Variants in VPS26A observed in about 807,000 individuals in gnomAD.
VPS26A encodes the protein vacuolar protein sorting-associated protein 26A.
A neutral mutation model predicts 42.4 loss-of-function variants in VPS26A; 22 were observed. The observed-to-expected ratio is 0.52, with a 90% confidence interval of 0.37 to 0.74. The LOEUF is 0.74. VPS26A is among the 30% of genes least tolerant of loss of function. The probability of loss-of-function intolerance (pLI) is 0.00; values close to 1 mark genes in which losing one functional copy is unlikely to be tolerated. For missense variants in VPS26A, 276 were observed against 379.2 expected (o/e 0.73, Z 2.26); for synonymous variants, 110 against 123.5 (o/e 0.89, Z 0.73).
chr10:69,129,862 TG>T (rs1840741210), intron 1 of VPS26A, among the ~76,000 whole-genome samples: 1 of 152,236 alleles, frequency 6.6e-6, no homozygotes, highest in Non-Finnish European at 1.5e-5. Context: ...AGTACTAATC[TG>T]GTAATTCTTT....
intron 6 of VPS26A, among the ~76,000 whole-genome samples, chr10:69,163,446 G>C (rs1055885930): frequency 6.6e-6 from 1 of 152,130 alleles, no homozygotes; most frequent in African/African-American, 2.4e-5. Context: ...CATGTTATCA[G>C]TAAGTCCTCT....
intron 6 of VPS26A, among the ~76,000 whole-genome samples, chr10:69,164,258 C>T (rs1197486825): frequency 6.7e-6 from 1 of 150,320 alleles, no homozygotes; most frequent in Non-Finnish European, 1.5e-5. Flanking sequence ...CACACTGTCA[C>T]CCAGGCTGGA....
chr10:69,133,877 G>T (rs1015983289), intron 2 of VPS26A, among the ~76,000 whole-genome samples: 1 of 151,946 alleles, frequency 6.6e-6, no homozygotes, highest in African/African-American at 2.4e-5. Context: ...TGTAGAGATG[G>T]GGTTTGTCCA....
At chr10:69,150,741 G>T (rs570332212) in intron 2 of VPS26A, among the ~76,000 whole-genome samples, 16 of 152,210 alleles carry the variant, frequency 1.1e-4, no homozygotes, top group African/African-American at 3.1e-4. Flanking sequence ...ATGTTTAGGG[G>T]TAATGGAGCA....
At chr10:69,148,117 A>G (rs980489151) in intron 2 of VPS26A, among the ~76,000 whole-genome samples, 3 of 152,244 alleles carry the variant, frequency 2.0e-5, no homozygotes, top group African/African-American at 7.2e-5. Flanking sequence ...GGCAGAGAAT[A>G]AAAGAACCTC....
chr10:69,171,845 G>C lies in VPS26A; in HGVS notation c.*576G>C, dbSNP rs1246738915. On this transcript the variant is annotated 3_prime_UTR_variant, in exon 9 of 9. Transcript: ENST00000263559. Reference sequence around the variant, plus strand: ...AGTGTTTCACCGCAGGCACTTCTGAGTACCATTCCATGGCTTCCAGAATTT... The same window carrying C: ...AGTGTTTCACCGCAGGCACTTCTGACTACCATTCCATGGCTTCCAGAATTT... 1 of 152,516 alleles carries C rather than the reference G, an allele frequency of 6.6e-6. No homozygotes were observed. Among genetic ancestry groups the C allele is most frequent in the African/African-American group, 2.4e-5 (1 of 41,432 alleles). 9.4% of individuals were successfully genotyped at this position (152,516 alleles called of 1,614,324 possible). A position where few individuals can be genotyped will look rare whatever the true frequency, so the allele number is the denominator to read the frequency against.
rs902169063 is a variant in VPS26A, at chr10:69,157,993, C to T, written c.387-54C>T. The stretch of plus-strand genomic sequence containing the variant: ...GCAGTTAATGTTTGCTGATTTAAAA[C>T]ATGAAAATTTATCACAGGTGATTTA... On this transcript the variant is annotated intron_variant, in intron 4 of 8. Transcript: ENST00000263559. The T allele has an allele frequency of 4.8e-6, 7 of 1,455,088 alleles. No individual in the cohort carries two copies. The African/African-American group carries it at 7.2e-5, about 15-fold the overall frequency. The allele number at this position is 1,455,088 out of a possible 1,614,324, so 90.1% of individuals were successfully genotyped here.
At chr10:69,127,093 A>ATTTTTTTTTTTTTTTTTTT (rs71035057) in intron 1 of VPS26A, among the ~76,000 whole-genome samples, 9 of 97,554 alleles carry the variant, frequency 9.2e-5, no homozygotes, top group Admixed American at 1.2e-4. Context: ...CACCCGGCCA[A>ATTTTTTTTTTTTTTTTTTT]TTTTTTTTTT....
intron 2 of VPS26A, among the ~76,000 whole-genome samples, chr10:69,134,932 A>G (rs572671509): frequency 1.4e-5 from 2 of 145,948 alleles, no homozygotes; most frequent in Non-Finnish European, 3.0e-5. Context: ...GTATCTATTT[A>G]AAAAAAAAAA....
At chr10:69,129,293 A>G (rs1286165838) in intron 1 of VPS26A, among the ~76,000 whole-genome samples, 1 of 152,150 alleles carries the variant, frequency 6.6e-6, no homozygotes, top group Non-Finnish European at 1.5e-5. Flanking sequence ...TTAAGCTGCT[A>G]TACATTCTCA....
intron 5 of VPS26A, chr10:69,161,994 CTT>C (rs36040871): frequency 8.0e-3 from 1,063 of 132,390 alleles, no homozygotes; most frequent in Middle Eastern, 0.023. Context: ...CAAAATAGTA[CTT>C]TTTTTTTTTT....
At chr10:69,167,778 A>G (rs1031399937) in intron 7 of VPS26A, among the ~76,000 whole-genome samples, 2 of 151,786 alleles carry the variant, frequency 1.3e-5, no homozygotes, top group Non-Finnish European at 2.9e-5. Context: ...ATATGCAAAG[A>G]ATTACCCTTA....
At chr10:69,146,249 C>T (rs1036896819) in intron 2 of VPS26A, among the ~76,000 whole-genome samples, 5 of 152,010 alleles carry the variant, frequency 3.3e-5, no homozygotes, top group African/African-American at 4.8e-5. Flanking sequence ...TGCCTGCCAC[C>T]GCGCCCAGCT....
At chr10:69,138,215 G>T (rs111606990) in intron 2 of VPS26A, among the ~76,000 whole-genome samples, 1 of 152,128 alleles carries the variant, frequency 6.6e-6, no homozygotes, top group African/African-American at 2.4e-5. Context: ...GTTTTTTATT[G>T]ATGAATAGTA....
At chr10:69,147,876 C>A (rs914258221) in intron 2 of VPS26A, among the ~76,000 whole-genome samples, 1 of 152,078 alleles carries the variant, frequency 6.6e-6, no homozygotes. Flanking sequence ...CCATGCCCAC[C>A]TAATTTTTAT....
intron 2 of VPS26A, among the ~76,000 whole-genome samples, chr10:69,139,096 T>C (rs1341893141): frequency 6.6e-6 from 1 of 152,158 alleles, no homozygotes; most frequent in African/African-American, 2.4e-5. Flanking sequence ...CACCAGTCCT[T>C]ATATCTTTGT....
intron 1 of VPS26A, 58 bp downstream of exon 1, chr10:69,124,338 G>A (rs927067285): frequency 1.6e-6 from 2 of 1,232,172 alleles, no homozygotes; most frequent in Non-Finnish European, 2.0e-6. Flanking sequence ...GCGCGCGGCG[G>A]GCCGGCCAAC....
intron 6 of VPS26A, among the ~76,000 whole-genome samples, chr10:69,163,399 C>T (rs1247619282): frequency 6.6e-6 from 1 of 152,168 alleles, no homozygotes; most frequent in East Asian, 1.9e-4. Flanking sequence ...TGATTACAGG[C>T]ATAAGCCATT....
intron 2 of VPS26A, among the ~76,000 whole-genome samples, chr10:69,138,853 C>G (rs1440386139): frequency 6.6e-6 from 1 of 152,088 alleles, no homozygotes; most frequent in Non-Finnish European, 1.5e-5. Context: ...AATATCTTTA[C>G]CCCACATTAT....
Sources: allele counts gnomAD v4.1 joint callset (sites outside exome capture counted in the v4.1 genomes callset), GRCh38; gene constraint gnomAD v4.1.1; transcripts MANE v1.5; gene names NCBI Gene and HGNC (gene_info 2026-07-23, HGNC 2026-07-21).